The following CERS3 variants were observed in gnomAD, a reference collection of about 807,000 sequenced individuals.
The protein encoded by CERS3 is LAG1 homolog, ceramide synthase 3.
A neutral mutation model predicts 50.3 loss-of-function variants in CERS3; 33 were observed. The ratio of observed to expected loss-of-function variants is 0.66; its 90% CI spans 0.50 to 0.88. CERS3 has a LOEUF of 0.88. Ranked by LOEUF, CERS3 falls within the 40% of genes least tolerant of loss-of-function variation. The probability of loss-of-function intolerance (pLI) is 0.00; values close to 1 mark genes in which losing one functional copy is unlikely to be tolerated. For missense variants in CERS3, 470 were observed against 460.3 expected (o/e 1.02, Z -0.19); for synonymous variants, 176 against 155.2 (o/e 1.13, Z -0.99).
At chr15:100,508,439 A>C (rs1408610605) in intron 2 of CERS3, among the ~76,000 whole-genome samples, 3 of 152,210 alleles carry the variant, frequency 2.0e-5, no homozygotes, top group Non-Finnish European at 4.4e-5. Flanking sequence ...GTGCTGGGTT[A>C]ACTGTGTAAG....
chr15:100,522,031 T>G (rs2036655222), intron 1 of CERS3, among the ~76,000 whole-genome samples: 1 of 150,056 alleles, frequency 6.7e-6, no homozygotes, highest in Admixed American at 6.7e-5. Flanking sequence ...CTGGAGCCCT[T>G]AAATGGAACA....
chr15:100,506,251 A>G (rs1484173403), intron 2 of CERS3, among the ~76,000 whole-genome samples: 1 of 152,198 alleles, frequency 6.6e-6, no homozygotes, highest in Non-Finnish European at 1.5e-5. Context: ...AATGAAAAAA[A>G]ATGACGAATA....
chr15:100,526,989 T>C (rs889662822), intron 1 of CERS3, among the ~76,000 whole-genome samples: 2 of 152,102 alleles, frequency 1.3e-5, no homozygotes, highest in African/African-American at 2.4e-5. Context: ...ATAAGGAAAC[T>C]GAGATTTGAA....
At chr15:100,446,832 G>A (rs1348404079) in intron 11 of CERS3, among the ~76,000 whole-genome samples, 1 of 152,086 alleles carries the variant, frequency 6.6e-6, no homozygotes, top group Non-Finnish European at 1.5e-5. Context: ...GGAAGTGAGA[G>A]TCAGACACAC....
chr15:100,434,553 C>T (rs572475767), intron 11 of CERS3, among the ~76,000 whole-genome samples: 1 of 152,180 alleles, frequency 6.6e-6, no homozygotes, highest in Non-Finnish European at 1.5e-5. Context: ...TTGTGTCACA[C>T]AAAACTCTCT....
chr15:100,416,058 C>T (rs1299280324), intron 11 of CERS3, among the ~76,000 whole-genome samples: 1 of 152,118 alleles, frequency 6.6e-6, no homozygotes, highest in Admixed American at 6.6e-5. Context: ...AATGGCCATA[C>T]TACCCAAAGC....
upstream of CERS3, among the ~76,000 whole-genome samples, chr15:100,531,196 A>G (rs1258701064): frequency 6.6e-6 from 1 of 152,266 alleles, no homozygotes. Context: ...GATAAAATAT[A>G]ATGTTCAAAT....
intron 10 of CERS3, among the ~76,000 whole-genome samples, chr15:100,460,320 A>T (rs918614858): frequency 1.3e-5 from 2 of 152,196 alleles, no homozygotes; most frequent in Non-Finnish European, 2.9e-5. Flanking sequence ...ACCATTACTG[A>T]GCACCTACTA....
intron 3 of CERS3, among the ~76,000 whole-genome samples, chr15:100,491,265 A>C (rs1202115842): frequency 6.6e-6 from 1 of 152,230 alleles, no homozygotes; most frequent in Non-Finnish European, 1.5e-5. Context: ...GAATTTTGTT[A>C]GAAAATGTTT....
chr15:100,535,293 G>T (rs4580136), intron 1 of CERS3, among the ~76,000 whole-genome samples: 75,821 of 152,104 alleles, frequency 0.5, 19,300 homozygotes, highest in South Asian at 0.6. Flanking sequence ...ATTGTGTAAA[G>T]TTTCCAAGTT....
At chr15:100,451,297 C>A (rs1007979396) in intron 11 of CERS3, among the ~76,000 whole-genome samples, 1 of 152,108 alleles carries the variant, frequency 6.6e-6, no homozygotes, top group Non-Finnish European at 1.5e-5. Flanking sequence ...TTAATACTAA[C>A]CTTGAATGTA....
intron 11 of CERS3, among the ~76,000 whole-genome samples, chr15:100,415,571 G>T (rs952838482): frequency 5.3e-5 from 8 of 152,270 alleles, no homozygotes; most frequent in Middle Eastern, 6.8e-3. Flanking sequence ...ATTAGATAAA[G>T]AAAATGTAGT....
At chr15:100,432,762 C>T (rs1305897343) in intron 11 of CERS3, among the ~76,000 whole-genome samples, 4 of 152,030 alleles carry the variant, frequency 2.6e-5, no homozygotes, top group African/African-American at 4.8e-5. Flanking sequence ...AACAGAGTCA[C>T]GTACGTTCGA....
At chr15:100,435,010 G>A (rs1303439095) in intron 11 of CERS3, among the ~76,000 whole-genome samples, 2 of 152,130 alleles carry the variant, frequency 1.3e-5, no homozygotes, top group Non-Finnish European at 2.9e-5. Flanking sequence ...TGGTTCTGAG[G>A]ACATCACAGT....
intron 11 of CERS3, among the ~76,000 whole-genome samples, chr15:100,447,686 T>C (rs2033994475): frequency 6.6e-6 from 1 of 152,236 alleles, no homozygotes; most frequent in Non-Finnish European, 1.5e-5. Context: ...ATGAAACATT[T>C]CCTGGTCCCT....
chr15:100,530,457 C>T (rs1465227066), upstream of CERS3, among the ~76,000 whole-genome samples: 1 of 152,232 alleles, frequency 6.6e-6, no homozygotes, highest in African/African-American at 2.4e-5. Flanking sequence ...GCTCTCTCGC[C>T]TCTGTGCCTA....
At chr15:100,466,832 C>CTCTCT (rs1555528069) in intron 10 of CERS3, among the ~76,000 whole-genome samples, 1 of 18,780 alleles carries the variant, frequency 5.3e-5, no homozygotes, top group African/African-American at 1.6e-4. Context: ...TCCCTCTCTC[C>CTCTCT]CTCTCTCCCT....
intron 10 of CERS3, among the ~76,000 whole-genome samples, chr15:100,458,850 T>G (rs188104886): frequency 6.6e-6 from 1 of 152,316 alleles, no homozygotes. Flanking sequence ...ACTTTTTTCA[T>G]GCAATAACAT....
chr15:100,535,839 A>C (rs1460277528), intron 1 of CERS3, among the ~76,000 whole-genome samples: 2 of 86,102 alleles, frequency 2.3e-5, no homozygotes, highest in African/African-American at 8.9e-5. Flanking sequence ...CCCTATGCTC[A>C]TATGTGCACG....
Sources: gnomAD v4.1 joint callset for allele counts (sites outside exome capture counted in the v4.1 genomes callset) on GRCh38, gnomAD v4.1.1 for gene constraint, MANE v1.5 for transcripts, NCBI Gene and HGNC (gene_info 2026-07-23, HGNC 2026-07-21) for gene names.